The following DLGAP1 variants were observed in gnomAD, a reference collection of about 807,000 sequenced individuals.
DLGAP1 encodes the protein DLG associated protein 1, also known as disks large-associated protein 1.
A neutral mutation model predicts 90.8 loss-of-function variants in DLGAP1; 11 were observed. The observed-to-expected ratio is 0.12, with a 90% CI of 0.08 to 0.20. DLGAP1 has a LOEUF of 0.20. Ranked by LOEUF, DLGAP1 falls within the 10% of genes least tolerant of loss-of-function variation. The pLI is 1.00. For missense variants in DLGAP1, 1,050 were observed against 1,333.8 expected (o/e 0.79, Z 3.31); for synonymous variants, 558 against 540.7 (o/e 1.03, Z -0.44).
chr18:3,583,403 C>G (rs1192008562), intron 7 of DLGAP1, among the ~76,000 whole-genome samples: 1 of 151,958 alleles, frequency 6.6e-6, no homozygotes, highest in Non-Finnish European at 1.5e-5. Flanking sequence ...TCTCTGTCTT[C>G]CTTCTTCACT....
intron 7 of DLGAP1, among the ~76,000 whole-genome samples, chr18:3,661,445 C>T (rs1037022948): frequency 2.6e-5 from 4 of 152,184 alleles, no homozygotes; most frequent in South Asian, 2.1e-4. Flanking sequence ...CCACTCCCTC[C>T]GGGAAGCCTG....
intron 9 of DLGAP1, among the ~76,000 whole-genome samples, chr18:3,555,896 A>G (rs2053722987): frequency 6.6e-6 from 1 of 152,216 alleles, no homozygotes; most frequent in Non-Finnish European, 1.5e-5. Context: ...GAAGTAAAGT[A>G]AAGGAGACGA....
At chr18:4,165,244 T>C (rs1452430852) in intron 1 of DLGAP1, among the ~76,000 whole-genome samples, 1 of 152,184 alleles carries the variant, frequency 6.6e-6, no homozygotes, top group East Asian at 1.9e-4. Context: ...AAATAATGCC[T>C]GTCTCTAGGG....
At chr18:3,823,206 A>C (rs1381127596) in intron 4 of DLGAP1, among the ~76,000 whole-genome samples, 1 of 152,146 alleles carries the variant, frequency 6.6e-6, no homozygotes, top group Non-Finnish European at 1.5e-5. Flanking sequence ...AGCAAATCAC[A>C]CTTCCTGGCT....
chr18:3,768,877 A>G (rs1179566968), intron 5 of DLGAP1, among the ~76,000 whole-genome samples: 1 of 152,208 alleles, frequency 6.6e-6, no homozygotes, highest in Non-Finnish European at 1.5e-5. Context: ...AGTTCTTAGA[A>G]TCAACACTAA....
chr18:3,814,551 C>T (rs1011876528), intron 4 of DLGAP1, among the ~76,000 whole-genome samples: 8 of 151,814 alleles, frequency 5.3e-5, no homozygotes, highest in Non-Finnish European at 1.0e-4. Context: ...TCAGTAGAGA[C>T]GGGGTTTCAC....
chr18:3,522,230 G>A (rs1378643043), intron 10 of DLGAP1, among the ~76,000 whole-genome samples: 5 of 143,558 alleles, frequency 3.5e-5, no homozygotes, highest in East Asian at 2.2e-4. Context: ...TCCGCCTCCC[G>A]GATTCAAGTG....
At chr18:3,759,532 G>C (rs1005211129) in intron 5 of DLGAP1, among the ~76,000 whole-genome samples, 2 of 152,144 alleles carry the variant, frequency 1.3e-5, no homozygotes, top group African/African-American at 4.8e-5. Flanking sequence ...TGTGGCACTT[G>C]GAACTTAAAT....
At chr18:4,291,965 A>G (rs575867825) in intron 1 of DLGAP1, among the ~76,000 whole-genome samples, 3 of 152,278 alleles carry the variant, frequency 2.0e-5, no homozygotes, top group Admixed American at 1.3e-4. Context: ...CTACATTAGA[A>G]TTCTCTGGGG....
intron 7 of DLGAP1, among the ~76,000 whole-genome samples, chr18:3,725,453 C>T (rs760779698): frequency 1.3e-5 from 2 of 152,026 alleles, no homozygotes; most frequent in African/African-American, 4.8e-5. Flanking sequence ...GCATCAAGTT[C>T]TACTGTTACC....
At chr18:4,128,968 C>T (rs536458756) in intron 2 of DLGAP1, among the ~76,000 whole-genome samples, 1 of 151,684 alleles carries the variant, frequency 6.6e-6, no homozygotes, top group Non-Finnish European at 1.5e-5. Context: ...GCTCAGTATT[C>T]GAGAATAAGT....
chr18:3,658,168 G>A (rs991321300), intron 7 of DLGAP1, among the ~76,000 whole-genome samples: 1 of 152,194 alleles, frequency 6.6e-6, no homozygotes, highest in Non-Finnish European at 1.5e-5. Context: ...ACACCAGCAT[G>A]TAGTATTTCC....
chr18:4,343,086 T>C (rs998173444), intron 1 of DLGAP1, among the ~76,000 whole-genome samples: 15 of 152,064 alleles, frequency 9.9e-5, no homozygotes, highest in Admixed American at 6.5e-4. Context: ...GGCAGGCGGA[T>C]CACGAGGTCA....
Position 4,383,441 on chromosome 18 carries a change from A to G in DLGAP1, c.-267+71565T>C, listed in dbSNP as rs1170781143. On this transcript the variant is annotated intron_variant, in intron 1 of 12. Coordinates refer to ENST00000315677, the MANE Select transcript of DLGAP1 (RefSeq NM_004746.4). This position sits in a 1 kb window ranked among gnomAD's most constrained non-coding sequence, Gnocchi z 4.0. ...AAAATATAATCCTAATAAAATGGGCATGTAAGATATCTCCCTCTAGTTTAC... is the reference window on the plus strand; with the variant it reads ...AAAATATAATCCTAATAAAATGGGCGTGTAAGATATCTCCCTCTAGTTTAC... 6.6e-6 allele frequency among the ~76,000 whole-genome samples: 1 copy of G among 152,068 alleles called. No homozygotes were observed.
rs75256957 is a variant in DLGAP1, at chr18:3,681,346, T to G, written c.1591+47789A>C. Among the ~76,000 whole-genome samples the G allele has an allele frequency of 5.3e-3, 805 of 152,352 alleles. 12 individuals are homozygous for G. Among genetic ancestry groups the G allele is most frequent in the African/African-American group, 0.019 (771 of 41,580 alleles). ...GCCAGGATTTTCAGAGAGAAAACTA[T>G]GCTTACAGTCCACAGAATGACAAAT... On this transcript the variant is annotated intron_variant, in intron 7 of 12. Transcript: ENST00000315677.
intron 3 of DLGAP1, among the ~76,000 whole-genome samples, chr18:3,909,357 T>A (rs1245264482): frequency 6.6e-6 from 1 of 152,150 alleles, no homozygotes; most frequent in Non-Finnish European, 1.5e-5. Flanking sequence ...GGTTTCAGTC[T>A]TTGACAATAA....
At chr18:3,846,021 C>A (rs2068988486) in intron 4 of DLGAP1, among the ~76,000 whole-genome samples, 1 of 149,634 alleles carries the variant, frequency 6.7e-6, no homozygotes, top group African/African-American at 2.5e-5. Flanking sequence ...AGAAACATCC[C>A]AGAAAATCTT....
intron 1 of DLGAP1, among the ~76,000 whole-genome samples, chr18:4,425,440 A>T (rs946700553): frequency 6.6e-6 from 1 of 152,220 alleles, no homozygotes; most frequent in Non-Finnish European, 1.5e-5. Context: ...GTAGTGGTAC[A>T]GTCATGATGA....
At chr18:3,754,115 C>T (rs953236910) in intron 5 of DLGAP1, among the ~76,000 whole-genome samples, 19 of 152,130 alleles carry the variant, frequency 1.2e-4, no homozygotes, top group African/African-American at 3.4e-4. Flanking sequence ...ATTCTCTCAT[C>T]TCAGCCTCCT....
Sources: allele counts gnomAD v4.1 joint callset (sites outside exome capture counted in the v4.1 genomes callset), GRCh38; gene constraint gnomAD v4.1.1; non-coding constraint Gnocchi (gnomAD v3.1); transcripts MANE v1.5; gene names NCBI Gene and HGNC (gene_info 2026-07-23, HGNC 2026-07-21).